Variants in CDH18 observed in about 807,000 individuals in gnomAD.
CDH18 encodes the protein cadherin 18.
In CDH18, 31 loss-of-function variants were observed where a neutral mutation model predicts 67.9. The observed-to-expected ratio is 0.46, with a 90% CI of 0.34 to 0.62. The LOEUF (loss-of-function observed/expected upper bound fraction) is 0.62, where lower values mean the gene tolerates loss of function less well. Ranked by LOEUF, CDH18 falls within the 20% of genes least tolerant of loss-of-function variation. CDH18 has a pLI of 0.01. For synonymous variants in CDH18, 362 were observed against 347.2 expected (o/e 1.04, Z -0.48); for missense variants, 890 against 975.5 (o/e 0.91, Z 1.17).
At chr5:20,014,489 A>G (rs1737717022) in intron 2 of CDH18, among the ~76,000 whole-genome samples, 1 of 152,120 alleles carries the variant, frequency 6.6e-6, no homozygotes, top group Non-Finnish European at 1.5e-5. Context: ...AGGGCTTAAG[A>G]AGACAGAATG....
intron 1 of CDH18, among the ~76,000 whole-genome samples, chr5:20,388,044 T>C (rs1404741846): frequency 4.6e-5 from 7 of 152,172 alleles, no homozygotes; most frequent in Non-Finnish European, 7.3e-5. Flanking sequence ...TTGTTGTGTC[T>C]CTGCCAGGCT....
At chr5:19,613,513 C>G (rs1365686386) in intron 5 of CDH18, among the ~76,000 whole-genome samples, 1 of 152,092 alleles carries the variant, frequency 6.6e-6, no homozygotes, top group Non-Finnish European at 1.5e-5. Flanking sequence ...AAGGTTTATT[C>G]TATAAATCAT....
intron 3 of CDH18, among the ~76,000 whole-genome samples, chr5:19,837,087 G>T (rs1185562369): frequency 1.3e-5 from 2 of 152,086 alleles, no homozygotes; most frequent in African/African-American, 4.8e-5. Flanking sequence ...CCATAAAAAA[G>T]GATGAGTTCA....
chr5:20,268,381 C>T (rs1745198845), intron 1 of CDH18, among the ~76,000 whole-genome samples: 1 of 152,102 alleles, frequency 6.6e-6, no homozygotes, highest in Non-Finnish European at 1.5e-5. Context: ...ATTTAAATGT[C>T]ATTTATTTCT....
intron 8 of CDH18, among the ~76,000 whole-genome samples, chr5:19,546,969 T>C (rs1331236487): frequency 6.6e-6 from 1 of 152,086 alleles, no homozygotes; most frequent in East Asian, 1.9e-4. Context: ...CAAGAAAAGG[T>C]ACAACTCTAA....
intron 1 of CDH18, among the ~76,000 whole-genome samples, chr5:20,398,258 A>C (rs1263984976): frequency 2.6e-5 from 4 of 152,200 alleles, no homozygotes; most frequent in African/African-American, 4.8e-5. Context: ...TGTGAACCTG[A>C]ATGATAAGCT....
chr5:20,558,415 AG>A (rs1758031451), intron 1 of CDH18, among the ~76,000 whole-genome samples: 1 of 152,120 alleles, frequency 6.6e-6, no homozygotes, highest in South Asian at 2.1e-4. Flanking sequence ...CCAAGTGAGA[AG>A]AACTTGGCAT....
chr5:20,382,539 C>A (rs1743992514), intron 1 of CDH18, among the ~76,000 whole-genome samples: 1 of 151,844 alleles, frequency 6.6e-6, no homozygotes, highest in African/African-American at 2.4e-5. Flanking sequence ...ACAGAAACAC[C>A]AATATGACAG....
chr5:20,342,729 G>A (rs1740378597), intron 1 of CDH18, among the ~76,000 whole-genome samples: 1 of 152,194 alleles, frequency 6.6e-6, no homozygotes, highest in Admixed American at 6.5e-5. Context: ...TGCATTTAAT[G>A]TTGCAGGTCA....
chr5:19,768,774 G>A (rs151150198), intron 3 of CDH18, among the ~76,000 whole-genome samples: 50 of 151,928 alleles, frequency 3.3e-4, no homozygotes, highest in Non-Finnish European at 6.0e-4. Context: ...CATAGAGAGG[G>A]GAGAACCTGA....
intron 12 of CDH18, among the ~76,000 whole-genome samples, chr5:19,481,406 T>A (rs1201880078): frequency 6.6e-6 from 1 of 152,206 alleles, no homozygotes; most frequent in Non-Finnish European, 1.5e-5. Context: ...TAGATATTAT[T>A]CACTTTTCCT....
At chr5:19,593,223 T>C (rs1375827167) in intron 6 of CDH18, among the ~76,000 whole-genome samples, 2 of 152,128 alleles carry the variant, frequency 1.3e-5, no homozygotes. Context: ...TTACTTTTAA[T>C]TTTTGAGGAA....
chr5:20,221,212 G>T (rs1741195137), intron 2 of CDH18, among the ~76,000 whole-genome samples: 1 of 151,934 alleles, frequency 6.6e-6, no homozygotes, highest in Non-Finnish European at 1.5e-5. Context: ...AAGCAACTTG[G>T]GTCCATCAAC....
At chr5:20,001,720 G>T (rs1433283755) in intron 2 of CDH18, among the ~76,000 whole-genome samples, 1 of 152,052 alleles carries the variant, frequency 6.6e-6, no homozygotes, top group Non-Finnish European at 1.5e-5. Flanking sequence ...TTCTCTGCGG[G>T]TCTCTTGCGT....
intron 1 of CDH18, among the ~76,000 whole-genome samples, chr5:20,473,637 G>A (rs1410957849): frequency 3.3e-5 from 5 of 151,792 alleles, no homozygotes; most frequent in African/African-American, 7.3e-5. Flanking sequence ...TTTTCTCAGC[G>A]TATGCATGCT....
At chr5:19,518,044 G>C (rs992623472) in intron 10 of CDH18, among the ~76,000 whole-genome samples, 1 of 151,742 alleles carries the variant, frequency 6.6e-6, no homozygotes, top group Middle Eastern at 3.4e-3. Context: ...CATTATGTTA[G>C]GATGTATGCA....
At chr5:20,480,151 T>C (rs1264328082) in intron 1 of CDH18, among the ~76,000 whole-genome samples, 2 of 152,146 alleles carry the variant, frequency 1.3e-5, no homozygotes, top group East Asian at 3.9e-4. Context: ...TTTCTCAGTC[T>C]GAAATAAAAT....
At chr5:19,984,442 T>C (rs1404105733) in intron 1 of CDH18, among the ~76,000 whole-genome samples, 1 of 152,174 alleles carries the variant, frequency 6.6e-6, no homozygotes, top group Admixed American at 6.5e-5. Flanking sequence ...TTAAATTACA[T>C]ATTTCAAATT....
intron 2 of CDH18, among the ~76,000 whole-genome samples, chr5:19,972,950 G>A (rs139112225): frequency 0.012 from 1,857 of 151,720 alleles, 54 homozygotes; most frequent in African/African-American, 0.043. Context: ...CTTTTGTGCC[G>A]TTTCTATTAT....
Sources: allele counts gnomAD v4.1 joint callset (sites outside exome capture counted in the v4.1 genomes callset), GRCh38; gene constraint gnomAD v4.1.1; transcripts MANE v1.5; gene names NCBI Gene and HGNC (gene_info 2026-07-23, HGNC 2026-07-21).